PTPRD: variants seen among roughly 807,000 people sequenced by gnomAD.
PTPRD encodes the protein protein tyrosine phosphatase receptor type D.
In PTPRD, 34 loss-of-function variants were observed where a neutral mutation model predicts 214.5. The observed-to-expected ratio is 0.16, with a 90% CI of 0.12 to 0.21. The LOEUF (loss-of-function observed/expected upper bound fraction) is 0.21. PTPRD is among the 10% of genes least tolerant of loss of function. The probability of loss-of-function intolerance (pLI) is 1.00; values close to 1 mark genes in which losing one functional copy is unlikely to be tolerated. For missense variants in PTPRD, 2,545 were observed against 2,398.7 expected, an observed-to-expected ratio of 1.06 and a Z score of -1.27; for synonymous variants, 1,128 against 845.7, an observed-to-expected ratio of 1.33 and a Z score of -5.79.
chr9:9,512,887 T>C (rs886643937), intron 8 of PTPRD, among the ~76,000 whole-genome samples: 10 of 150,494 alleles, frequency 6.6e-5, no homozygotes, highest in Non-Finnish European at 1.0e-4. Context: ...AAAAACACAA[T>C]AATAATCACG....
At chr9:8,777,370 A>G (rs1253043902) in intron 11 of PTPRD, among the ~76,000 whole-genome samples, 2 of 152,154 alleles carry the variant, frequency 1.3e-5, no homozygotes, top group Admixed American at 6.5e-5. Context: ...GGAAAAAAAA[A>G]GAGCATTAAA....
chr9:9,584,584 A>G (rs888972442), intron 7 of PTPRD, among the ~76,000 whole-genome samples: 6 of 151,974 alleles, frequency 3.9e-5, no homozygotes, highest in African/African-American at 1.2e-4. Context: ...ATCCATGAGA[A>G]CAACTTCAAC....
intron 10 of PTPRD, among the ~76,000 whole-genome samples, chr9:9,117,786 T>C (rs1418828795): frequency 1.3e-5 from 2 of 151,992 alleles, no homozygotes; most frequent in Admixed American, 1.3e-4. Context: ...TCATGGGTGG[T>C]ATTTTTGGAA....
In PTPRD at chr9:8,485,944, T is replaced by C. The variant is rs1290375270; in HGVS notation, c.2873A>G (p.Tyr958Cys). 7.4e-6 allele frequency: 12 copies of C among 1,614,078 alleles called. No individual in the cohort carries two copies. The highest frequency in any genetic ancestry group is 4.0e-5 in the African/African-American group (3 of 74,940). The change falls in exon 28 of 46, where the codon TAT becomes TGT. Residue 958 changes from tyrosine (Y) to cysteine (C), a missense_variant. Transcript: ENST00000381196. Reference protein sequence around the residue: ...NGIITKYTLLYRDINIPLLPM... With the variant: ...NGIITKYTLLCRDINIPLLPM... Reference sequence around the variant, plus strand: ...GAGAAGGGGGATGTTGATATCCCTATAAAGAAGGGTATACTTGGTGATAAT... The same window carrying C: ...GAGAAGGGGGATGTTGATATCCCTACAAAGAAGGGTATACTTGGTGATAAT...
intron 5 of PTPRD, among the ~76,000 whole-genome samples, chr9:9,934,804 G>A (rs1460747432): frequency 6.6e-6 from 1 of 152,064 alleles, no homozygotes; most frequent in Non-Finnish European, 1.5e-5. Flanking sequence ...TATCCTTGAT[G>A]AATATTGATG....
Position 9,091,013 on chromosome 9 carries a change from T to G in PTPRD, c.-142-72278A>C. On this transcript the variant is annotated intron_variant, in intron 10 of 45. Coordinates refer to ENST00000381196, the MANE Select transcript of PTPRD (RefSeq NM_002839.4). Reference sequence around the variant, plus strand: ...CCCAAGGACAAGGCCATTAAGAAATTCGTCATTCGAAACATAGTGGAGGCC... The same window carrying G: ...CCCAAGGACAAGGCCATTAAGAAATGCGTCATTCGAAACATAGTGGAGGCC... The G allele has an allele frequency of 4.5e-6, 7 of 1,570,828 alleles. No homozygotes were observed. The South Asian group carries it at 7.7e-5, about 17-fold the overall frequency.
At chr9:9,716,225 T>A (rs1288462713) in intron 7 of PTPRD, among the ~76,000 whole-genome samples, 1 of 152,200 alleles carries the variant, frequency 6.6e-6, no homozygotes, top group Admixed American at 6.5e-5. Flanking sequence ...GGTGTATATG[T>A]GCCACATTTT....
chr9:8,376,168 T>C (rs1383703280), intron 38 of PTPRD, 78 bp from the exon 39 acceptor site: 3 of 1,499,452 alleles, frequency 2.0e-6, no homozygotes, highest in South Asian at 1.2e-5. Context: ...GAAGAGGTAA[T>C]GCTAAAATGT....
At chr9:9,947,585 AT>A (rs1353000624) in intron 4 of PTPRD, among the ~76,000 whole-genome samples, 474 of 44,970 alleles carry the variant, frequency 0.011, 7 homozygotes, top group Non-Finnish European at 0.013. Context: ...TTATATATAT[AT>A]TATATATATA....
In PTPRD at chr9:10,358,922, T is replaced by C. The variant is rs575607843; in HGVS notation, c.-599-17905A>G. Among the ~76,000 whole-genome samples, 272 of 152,154 alleles carry C rather than the reference T, an allele frequency of 1.8e-3. 3 individuals carry two copies. Among genetic ancestry groups the C allele is most frequent in the African/African-American group, 6.0e-3 (249 of 41,562 alleles). ...CTTCCATGGTTGCTGGTTGGTATAC[T>C]GTAGTATGCAAAGGTCATTTGTAAA... On this transcript the variant is annotated intron_variant, in intron 2 of 45. Transcript: ENST00000381196.
At chr9:9,751,585 T>C (rs902958475) in intron 6 of PTPRD, among the ~76,000 whole-genome samples, 2 of 152,072 alleles carry the variant, frequency 1.3e-5, no homozygotes, top group Non-Finnish European at 2.9e-5. Flanking sequence ...CATGTTGAAG[T>C]GGGATGGACC....
intron 3 of PTPRD, among the ~76,000 whole-genome samples, chr9:10,253,237 T>C (rs2092947978): frequency 6.6e-6 from 1 of 152,188 alleles, no homozygotes; most frequent in Non-Finnish European, 1.5e-5. Context: ...TGAACAAAAG[T>C]GACAAATATG....
intron 9 of PTPRD, among the ~76,000 whole-genome samples, chr9:9,331,211 C>G (rs549437000): frequency 6.6e-6 from 1 of 152,180 alleles, no homozygotes; most frequent in South Asian, 2.1e-4. Flanking sequence ...CACTTAGTTT[C>G]CCCTCTTTTA....
At chr9:9,333,298 C>G (rs2043026666) in intron 9 of PTPRD, among the ~76,000 whole-genome samples, 1 of 151,176 alleles carries the variant, frequency 6.6e-6, no homozygotes, top group South Asian at 2.1e-4. Context: ...AAAGAAGGCA[C>G]TTTAGGGGGC....
intron 14 of PTPRD, among the ~76,000 whole-genome samples, chr9:8,616,551 T>G (rs560354176): frequency 6.6e-6 from 1 of 152,184 alleles, no homozygotes; most frequent in African/African-American, 2.4e-5. Context: ...GATTAGATAA[T>G]AAACCGTGGT....
chr9:8,811,331 T>C (rs996693424), intron 11 of PTPRD, among the ~76,000 whole-genome samples: 2 of 152,002 alleles, frequency 1.3e-5, no homozygotes, highest in African/African-American at 4.8e-5. Context: ...CCATTTATAG[T>C]CAAGTCCATT....
chr9:8,385,733 G>C (rs1005599135), intron 37 of PTPRD, among the ~76,000 whole-genome samples: 1 of 152,138 alleles, frequency 6.6e-6, no homozygotes, highest in African/African-American at 2.4e-5. Context: ...TTGTATTATA[G>C]TCAATGTAGC....
At chr9:9,808,348 G>T (rs1047117225) in intron 5 of PTPRD, among the ~76,000 whole-genome samples, 2 of 152,072 alleles carry the variant, frequency 1.3e-5, no homozygotes, top group African/African-American at 4.8e-5. Context: ...GCCCTGAAAG[G>T]AACTTTGGAA....
intron 11 of PTPRD, among the ~76,000 whole-genome samples, chr9:8,833,861 A>C (rs1029626595): frequency 1.3e-5 from 2 of 151,404 alleles, no homozygotes; most frequent in African/African-American, 4.8e-5. Context: ...TTAAAGAAAA[A>C]TGACAGCTAT....
Sources: gnomAD v4.1 joint callset for allele counts (sites outside exome capture counted in the v4.1 genomes callset) on GRCh38, gnomAD v4.1.1 for gene constraint, MANE v1.5 for transcripts, NCBI Gene and HGNC (gene_info 2026-07-23, HGNC 2026-07-21) for gene names.